SLC5A2: variants seen among roughly 807,000 people sequenced by gnomAD.
SLC5A2 encodes solute carrier family 5 member 2.
In SLC5A2, 67 loss-of-function variants were observed where a neutral mutation model predicts 69.0. The observed-to-expected ratio is 0.97, with a 90% confidence interval of 0.80 to 1.19. SLC5A2 has a LOEUF of 1.19. Ranked by LOEUF, SLC5A2 falls within the 50% of genes most tolerant of loss-of-function variation. SLC5A2 has a pLI of 0.00. For missense variants in SLC5A2, 1,001 were observed against 921.5 expected (o/e 1.09, Z -1.12); for synonymous variants, 455 against 395.8 (o/e 1.15, Z -1.78).
At chr16:31,490,277 C>T in intron 13 of SLC5A2, 32 bp from the exon 14 acceptor site, 1 of 1,613,776 alleles carries the variant, frequency 6.2e-7, no homozygotes, top group Non-Finnish European at 8.5e-7. Context: ...TGAGTTCCCG[C>T]AAACTAACTG....
Position 31,489,333 on chromosome 16 carries a change from A to G in SLC5A2, c.1660A>G (p.Lys554Glu). ...VSLCTAPIPR[K>E]HLHRLVFSLR... Reference sequence around the variant, plus strand: ...CCTGTGCACCGCGCCCATCCCCAGAAAGCACGTGAGTGGCCAGGTGCCCCA... The same window carrying G: ...CCTGTGCACCGCGCCCATCCCCAGAGAGCACGTGAGTGGCCAGGTGCCCCA... The change falls in exon 12 of 14, where the codon AAG becomes GAG. Residue 554 changes from lysine to glutamate, a missense_variant. Lys to Glu is a moderately conservative substitution (Grantham distance 56). Coordinates refer to ENST00000330498, the MANE Select transcript of SLC5A2 (RefSeq NM_003041.4). The G allele has an allele frequency of 6.2e-7, 1 of 1,607,798 alleles. No homozygotes were observed. Among genetic ancestry groups the G allele is most frequent in the South Asian group, 1.1e-5 (1 of 91,066 alleles).
Position 31,488,613 on chromosome 16 carries a change from G to C in SLC5A2, c.1130-9G>C. 1 of 1,609,670 alleles carries C rather than the reference G, an allele frequency of 6.2e-7. No homozygotes were observed. ...TGGCCCCAGCCTCACGGCTGCCGTC[G>C]GCCCGCAGGTCTGCGCGGACTCATG... On this transcript the variant is annotated splice_polypyrimidine_tract_variant and intron_variant, in intron 9 of 13. Coordinates refer to ENST00000330498, the MANE Select transcript of SLC5A2 (RefSeq NM_003041.4).
At position 31,489,224 on chromosome 16, in the gene SLC5A2, C is replaced by T. The variant is rs778274289; in HGVS notation, c.1551C>T (p.Cys517=). Reference sequence around the variant, plus strand: ...GCAGCTGTGTGCAGCCCTCGGCGTGCCCAGCTTTCCTCTGCGGCGTGCACT... The same window carrying T: ...GCAGCTGTGTGCAGCCCTCGGCGTGTCCAGCTTTCCTCTGCGGCGTGCACT... The part of the protein sequence containing the change: ...GSGSCVQPSA[C]PAFLCGVHYL... Residue 517 remains cysteine (C), a synonymous_variant, in exon 12 of 14, where the codon TGC becomes TGT. Transcript: ENST00000330498. 4 of 1,610,436 alleles carry T rather than the reference C, an allele frequency of 2.5e-6. No homozygotes were observed. Among genetic ancestry groups the T allele is most frequent in the South Asian group, 1.1e-5 (1 of 91,090 alleles).
chr16:31,487,298 C>T, intron 5 of SLC5A2, 22 bp from the exon 6 acceptor site: 4 of 1,613,064 alleles, frequency 2.5e-6, no homozygotes, highest in Non-Finnish European at 3.4e-6. Flanking sequence ...CTGGGCTGTC[C>T]CCTGACCCCG....
At position 31,483,172 on chromosome 16, in the gene SLC5A2, G is replaced by C. The variant is rs767139739; in HGVS notation, c.36G>C (p.Glu12Asp). Residue 12 changes from glutamate (E) to aspartate (D), a missense_variant, in exon 1 of 14, where the codon GAG becomes GAC. Physicochemically the swap from Glu to Asp is conservative, Grantham distance 45. Coordinates refer to ENST00000330498, the MANE Select transcript of SLC5A2 (RefSeq NM_003041.4). ...EEHTEAGSAP[E>D]MGAQKALIDN... ...ACACAGAGGCAGGCTCGGCACCAGA[G>C]ATGGGGGCCCAGAAGGCCCTGATTG... 11 of 1,614,048 alleles carry C rather than the reference G, an allele frequency of 6.8e-6. No individual in the cohort carries two copies. In the South Asian group the frequency reaches 1.1e-4, roughly 16 times the overall value.
intron 10 of SLC5A2, 44 bp from the exon 11 acceptor site, chr16:31,488,836 G>A (rs1038280519): frequency 6.9e-6 from 11 of 1,601,720 alleles, no homozygotes; most frequent in Non-Finnish European, 8.5e-6. Flanking sequence ...CGCACCTGCA[G>A]GGGAGCCCAG....
chr16:31,487,756 C>G lies in SLC5A2; in HGVS notation c.882C>G (p.Asp294Glu). The G allele has an allele frequency of 6.2e-7, 1 of 1,608,110 alleles. No homozygotes were observed. The highest frequency in any genetic ancestry group is 2.2e-5 in the East Asian group (1 of 44,806). ...TCTCGGGCTGGTACTGGTGCAGCGA[C>G]CAGGTGCGGGTATAGGGCTGCGCCT... The part of the protein sequence containing the change: ...TIVSGWYWCS[D>E]QVIVQRCLAG... The change falls in exon 7 of 14, where the codon GAC becomes GAG. Residue 294 changes from aspartate (D) to glutamate (E), a missense_variant. Asp to Glu is a conservative substitution (Grantham distance 45, BLOSUM62 2). Coordinates refer to ENST00000330498, the MANE Select transcript of SLC5A2 (RefSeq NM_003041.4).
rs1252853699 is a variant in SLC5A2 at position 31,490,670 on chromosome 16, C to G, written c.*135C>G. The G allele has an allele frequency of 3.1e-5, 34 of 1,089,420 alleles. No homozygotes were observed. The South Asian group carries it at 4.1e-4, about 13-fold the overall frequency. The allele number at this position is 1,089,420 out of a possible 1,614,324, so 67.5% of individuals were successfully genotyped here. ...CTCCCCTTCTCCCGGCCTTCCTCTG[C>G]CTGGGGCCCACTGCATCTGATTGGC... On this transcript the variant is annotated 3_prime_UTR_variant, in exon 14 of 14. Transcript: ENST00000330498.
rs2082529287 is a variant in SLC5A2, at chr16:31,488,966, T to C, written c.1367T>C (p.Ile456Thr). The C allele has an allele frequency of 1.2e-6, 2 of 1,602,408 alleles. No homozygotes were observed. Among genetic ancestry groups the C allele is most frequent in the South Asian group, 2.2e-5 (2 of 91,080 alleles). Residue 456 changes from isoleucine to threonine, a missense_variant, in exon 11 of 14, where the codon ATC (isoleucine) becomes ACC (threonine). Physicochemically the swap from Ile to Thr is moderately conservative, Grantham distance 89. Coordinates refer to ENST00000330498, the MANE Select transcript of SLC5A2 (RefSeq NM_003041.4). Reference sequence around the variant, plus strand: ...CAGGGCGGGCAGCTCTTCGATTACATCCAGGCAGTCTCTAGCTACCTGGCA... The same window carrying C: ...CAGGGCGGGCAGCTCTTCGATTACACCCAGGCAGTCTCTAGCTACCTGGCA... Reference protein sequence around the residue: ...AAQGGQLFDYIQAVSSYLAPP... With the variant: ...AAQGGQLFDYTQAVSSYLAPP...
chr16:31,489,284 T>G lies in SLC5A2; in HGVS notation c.1611T>G (p.Ser537=), dbSNP rs1402131786. The G allele has an allele frequency of 6.2e-7, 1 of 1,610,846 alleles. No homozygotes were observed. Among genetic ancestry groups the G allele is most frequent in the Non-Finnish European group, 8.5e-7 (1 of 1,180,034 alleles). The part of the protein sequence containing the change: ...LYFAIVLFFC[S]GLLTLTVSLC... Reference sequence around the variant, plus strand: ...TCGCCATTGTGCTGTTCTTCTGCTCTGGCCTCCTCACCCTCACGGTCTCCC... The same window carrying G: ...TCGCCATTGTGCTGTTCTTCTGCTCGGGCCTCCTCACCCTCACGGTCTCCC... Residue 537 remains serine, a synonymous_variant, in exon 12 of 14, where the codon TCT becomes TCG. Transcript: ENST00000330498.
intron 3 of SLC5A2, 184 bp from the exon 4 acceptor site, chr16:31,485,545 C>T (rs1457766097): frequency 1.1e-5 from 7 of 661,064 alleles, no homozygotes; most frequent in Non-Finnish European, 1.8e-5. Flanking sequence ...AGTTAAGAGC[C>T]CAGGAGGGTG....
At position 31,488,993 on chromosome 16, in the gene SLC5A2, C is replaced by T; in HGVS notation, c.1394C>T (p.Pro465Leu). 1 of 1,600,778 alleles carries T rather than the reference C, an allele frequency of 6.2e-7. No individual in the cohort carries two copies. The highest frequency in any genetic ancestry group is 8.5e-7 in the Non-Finnish European group (1 of 1,179,854). ...YIQAVSSYLA[P>L]PVSAVFVLAL... is the part of the protein sequence containing the mutation. ...CAGGCAGTCTCTAGCTACCTGGCAC[C>T]GCCCGTGTCCGCCGTCTTCGTGCTG... Residue 465 changes from proline (P) to leucine (L), a missense_variant, in exon 11 of 14, where the codon CCG becomes CTG. By Grantham distance (98) the Pro-to-Leu change is moderately conservative (BLOSUM62 -3). Transcript: ENST00000330498.
intron 3 of SLC5A2, 39 bp downstream of exon 3, chr16:31,484,962 A>G: frequency 6.4e-7 from 1 of 1,558,290 alleles, no homozygotes; most frequent in Non-Finnish European, 8.8e-7. Flanking sequence ...ACCCTCAGTG[A>G]GAACACCTGG....
chr16:31,483,699 C>T (rs1307701046), intron 1 of SLC5A2, among the ~76,000 whole-genome samples: 1 of 152,150 alleles, frequency 6.6e-6, no homozygotes, highest in East Asian at 1.9e-4. Context: ...TGAGACCAGA[C>T]TGGCCCACAT....
chr16:31,488,350 CG>C (rs1450421296), intron 8 of SLC5A2, 32 bp from the exon 9 acceptor site: 9 of 1,607,420 alleles, frequency 5.6e-6, no homozygotes, highest in Non-Finnish European at 7.6e-6. Context: ...GACCAGGCCC[CG>C]TCCTAACGGC....
rs778844446 is a variant in SLC5A2, at chr16:31,488,505, G to T, written c.1129+15G>T. 1 of 1,604,044 alleles carries T rather than the reference G, an allele frequency of 6.2e-7. No individual in the cohort carries two copies. On this transcript the variant is annotated intron_variant, in intron 9 of 13. Coordinates refer to ENST00000330498, the MANE Select transcript of SLC5A2 (RefSeq NM_003041.4). ...CATGCCCAACGGTAAGGGCAGCCCC[G>T]GGCCACAGGCGCAAGCTCGCTGCGG...
At chr16:31,487,200 GT>G in intron 5 of SLC5A2, 119 bp from the exon 6 acceptor site, 1 of 1,008,090 alleles carries the variant, frequency 9.9e-7, no homozygotes, top group South Asian at 1.3e-5. Context: ...ACAGGCTATC[GT>G]TTTGAAATTT....
rs2082525514 is a variant in SLC5A2 at position 31,488,771 on chromosome 16, C to T, written c.1279C>T (p.Arg427Trp). Reference protein sequence around the residue: ...AGDRELLLVGRLWVVFIVVVS... With the variant: ...AGDRELLLVGWLWVVFIVVVS... ...CGACCGCGAGCTGCTGCTGGTGGGA[C>T]GGTGCGGCCTGGGCTCCCCTCCTCC... is the stretch of plus-strand genomic sequence containing the variant. The change falls in exon 10 of 14, where the codon CGG becomes TGG. Residue 427 changes from arginine to tryptophan, a missense_variant and splice_region_variant. By Grantham distance (101) the Arg-to-Trp change is moderately radical. Transcript: ENST00000330498. 1 of 1,601,454 alleles carries T rather than the reference C, an allele frequency of 6.2e-7. No individual in the cohort carries two copies. Among genetic ancestry groups the T allele is most frequent in the South Asian group, 1.1e-5 (1 of 90,684 alleles).
intron 3 of SLC5A2, chr16:31,485,264 T>C (rs1057391934): frequency 3.9e-5 from 19 of 481,108 alleles, no homozygotes; most frequent in South Asian, 2.1e-5. Flanking sequence ...TGTGAGGAAT[T>C]TGGGGCCAAG....
Sources: allele counts gnomAD v4.1 joint callset (sites outside exome capture counted in the v4.1 genomes callset), GRCh38; gene constraint gnomAD v4.1.1; transcripts MANE v1.5; gene names NCBI Gene and HGNC (gene_info 2026-07-23, HGNC 2026-07-21).